NEGR1: variants seen among roughly 807,000 people sequenced by gnomAD.
NEGR1 encodes neuronal growth regulator 1.
Under a neutral mutation model 40.9 loss-of-function variants are expected in NEGR1, and 10 were observed. That is an observed-to-expected ratio of 0.24 (90% confidence interval 0.15 to 0.42). The LOEUF (loss-of-function observed/expected upper bound fraction) is 0.42. Ranked by LOEUF, NEGR1 falls within the 10% of genes least tolerant of loss-of-function variation. The pLI is 1.00. For missense variants in NEGR1, 352 were observed against 438.9 expected, an observed-to-expected ratio of 0.80 and a Z score of 1.77; for synonymous variants, 185 against 166.8, an observed-to-expected ratio of 1.11 and a Z score of -0.84.
chr1:72,172,449 C>G (rs928666438), intron 1 of NEGR1, among the ~76,000 whole-genome samples: 2 of 152,022 alleles, frequency 1.3e-5, no homozygotes, highest in African/African-American at 4.8e-5. Context: ...ATAATGAGGA[C>G]ATGATTGTCT....
At chr1:71,735,826 T>C (rs1024565686) in intron 3 of NEGR1, among the ~76,000 whole-genome samples, 7 of 152,188 alleles carry the variant, frequency 4.6e-5, no homozygotes, top group African/African-American at 1.2e-4. Flanking sequence ...AGGTGAGGCA[T>C]CTGAGAATAA....
chr1:71,802,952 G>T (rs896051485), intron 2 of NEGR1, among the ~76,000 whole-genome samples: 2 of 152,066 alleles, frequency 1.3e-5, no homozygotes, highest in African/African-American at 4.8e-5. Flanking sequence ...TGCCAAAATG[G>T]GTTAAGACTT....
intron 1 of NEGR1, among the ~76,000 whole-genome samples, chr1:72,176,156 C>T (rs892920989): frequency 8.6e-5 from 13 of 151,912 alleles, no homozygotes; most frequent in African/African-American, 2.9e-4. Context: ...ATCTTTTTTC[C>T]TATGATATTT....
intron 1 of NEGR1, among the ~76,000 whole-genome samples, chr1:72,078,785 G>A (rs1285546677): frequency 6.6e-6 from 1 of 150,724 alleles, no homozygotes. Context: ...GATTACAGGT[G>A]CCCACCACCC....
At chr1:71,470,542 GTTCAGAC>G (rs1372491692) in intron 6 of NEGR1, among the ~76,000 whole-genome samples, 1 of 152,092 alleles carries the variant, frequency 6.6e-6, no homozygotes, top group East Asian at 1.9e-4. Flanking sequence ...TTCAATGTAT[GTTCAGAC>G]TTCATATGAC....
intron 1 of NEGR1, among the ~76,000 whole-genome samples, chr1:71,943,684 A>C (rs1433825217): frequency 6.6e-6 from 1 of 152,206 alleles, no homozygotes; most frequent in Non-Finnish European, 1.5e-5. Flanking sequence ...ATGATTAAAG[A>C]AACTAACAAA....
chr1:72,008,014 T>A (rs1359027909), intron 1 of NEGR1, among the ~76,000 whole-genome samples: 1 of 152,176 alleles, frequency 6.6e-6, no homozygotes, highest in African/African-American at 2.4e-5. Flanking sequence ...TTATCCTGTG[T>A]GTCTAAATAT....
intron 6 of NEGR1, among the ~76,000 whole-genome samples, chr1:71,568,502 T>A (rs569819814): frequency 6.6e-6 from 1 of 152,134 alleles, no homozygotes. Flanking sequence ...AATAAGAAAT[T>A]TGTTCATTAC....
intron 1 of NEGR1, among the ~76,000 whole-genome samples, chr1:71,993,618 T>C (rs964645786): frequency 5.9e-5 from 9 of 152,156 alleles, no homozygotes; most frequent in African/African-American, 2.2e-4. Flanking sequence ...GAAATAATAA[T>C]AGTGACAATG....
At chr1:72,074,372 G>A (rs575189590) in intron 1 of NEGR1, among the ~76,000 whole-genome samples, 3 of 151,900 alleles carry the variant, frequency 2.0e-5, no homozygotes, top group African/African-American at 7.3e-5. Context: ...ATATAGTTTA[G>A]TTATACTTAT....
intron 3 of NEGR1, among the ~76,000 whole-genome samples, chr1:71,725,458 C>A (rs781050733): frequency 1.3e-5 from 2 of 152,094 alleles, no homozygotes; most frequent in Non-Finnish European, 2.9e-5. Flanking sequence ...CATCAGCATT[C>A]ATCAATTCTG....
chr1:71,896,330 G>A (rs1049718614), intron 2 of NEGR1, among the ~76,000 whole-genome samples: 1 of 152,030 alleles, frequency 6.6e-6, no homozygotes, highest in South Asian at 2.1e-4. Flanking sequence ...TGTGATGCTT[G>A]ACTATTTATA....
chr1:72,209,942 A>G (rs557290935), intron 1 of NEGR1, among the ~76,000 whole-genome samples: 3 of 152,036 alleles, frequency 2.0e-5, no homozygotes, highest in Non-Finnish European at 2.9e-5. Flanking sequence ...TGCTAATTAA[A>G]CTACAGACAT....
chr1:72,100,541 A>T (rs1005885595), intron 1 of NEGR1, among the ~76,000 whole-genome samples: 2 of 152,204 alleles, frequency 1.3e-5, no homozygotes, highest in African/African-American at 4.8e-5. Flanking sequence ...GACCACATTA[A>T]TGTAACTGCA....
rs183007733 is a variant in NEGR1, at chr1:71,927,957, C to A, written c.409+7122G>T. Among the ~76,000 whole-genome samples, 8 of 146,192 alleles carry A rather than the reference C, an allele frequency of 5.5e-5. No individual in the cohort carries two copies. The Admixed American group carries it at 5.6e-4, about 10-fold the overall frequency. ...GAGGCTGCAGTAGGCCAAGACTGAG[C>A]CACTACACTTCAGCCTGGACACAGA... On this transcript the variant is annotated intron_variant, in intron 2 of 6. Coordinates refer to ENST00000357731, the MANE Select transcript of NEGR1 (RefSeq NM_173808.3).
intron 1 of NEGR1, among the ~76,000 whole-genome samples, chr1:71,987,578 C>G (rs905395049): frequency 6.6e-6 from 1 of 152,170 alleles, no homozygotes; most frequent in African/African-American, 2.4e-5. Flanking sequence ...GCCTAGTGGT[C>G]TTCAATGATC....
chr1:72,023,903 A>G (rs1035826751), intron 1 of NEGR1, among the ~76,000 whole-genome samples: 1 of 152,138 alleles, frequency 6.6e-6, no homozygotes, highest in African/African-American at 2.4e-5. Flanking sequence ...TGTTTAAACA[A>G]AAGAATAATC....
intron 2 of NEGR1, among the ~76,000 whole-genome samples, chr1:71,860,198 T>A (rs1281890266): frequency 6.8e-6 from 1 of 146,530 alleles, no homozygotes; most frequent in Non-Finnish European, 1.5e-5. Context: ...TCTCATCATT[T>A]AAAAAAAAAA....
At chr1:71,474,641 G>A (rs1355896682) in intron 6 of NEGR1, among the ~76,000 whole-genome samples, 1 of 144,012 alleles carries the variant, frequency 6.9e-6, no homozygotes, top group Non-Finnish European at 1.5e-5. Context: ...AATATGGTAG[G>A]CAGAGGTTGC....
Sources: gnomAD v4.1 joint callset for allele counts (sites outside exome capture counted in the v4.1 genomes callset) on GRCh38, gnomAD v4.1.1 for gene constraint, MANE v1.5 for transcripts, NCBI Gene and HGNC (gene_info 2026-07-23, HGNC 2026-07-21) for gene names.